The following NECTIN1 variants were observed in gnomAD, a reference collection of about 807,000 sequenced individuals.
The protein encoded by NECTIN1 is nectin-1.
In NECTIN1, 23 loss-of-function variants were observed where a neutral mutation model predicts 48.0. That is an observed-to-expected ratio of 0.48 (90% CI 0.34 to 0.68). The LOEUF (loss-of-function observed/expected upper bound fraction) is 0.68, where lower values mean the gene tolerates loss of function less well. Ranked by LOEUF, NECTIN1 falls within the 30% of genes least tolerant of loss-of-function variation. The pLI is 0.01. For synonymous variants in NECTIN1, 270 were observed against 288.9 expected, an observed-to-expected ratio of 0.93 and a Z score of 0.66; for missense variants, 591 against 709.9, an observed-to-expected ratio of 0.83 and a Z score of 1.90.
chr11:119,638,693 C>T (rs1864273268), intron 7 of NECTIN1: 1 of 1,577,456 alleles, frequency 6.3e-7, no homozygotes, highest in South Asian at 1.1e-5. Flanking sequence ...TCCCTCCCCG[C>T]AGTCCAGGGA....
At chr11:119,708,078 A>C (rs1403142728) in intron 1 of NECTIN1, among the ~76,000 whole-genome samples, 1 of 152,226 alleles carries the variant, frequency 6.6e-6, no homozygotes, top group Non-Finnish European at 1.5e-5. Flanking sequence ...GAAAAATACA[A>C]ACCCAAAGCA....
intron 5 of NECTIN1, among the ~76,000 whole-genome samples, chr11:119,645,303 G>A (rs1591436751): frequency 6.6e-6 from 1 of 152,166 alleles, no homozygotes; most frequent in Non-Finnish European, 1.5e-5. Context: ...AGGGCTGGAG[G>A]CAAGTCTTCC....
chr11:119,718,566 T>C (rs895875818), intron 1 of NECTIN1, among the ~76,000 whole-genome samples: 3 of 152,232 alleles, frequency 2.0e-5, no homozygotes, highest in African/African-American at 7.2e-5. Flanking sequence ...ATCAGCTTGC[T>C]GAGCCCTGGA....
Position 119,664,048 on chromosome 11 carries a change from G to A in NECTIN1, c.*699C>T, listed in dbSNP as rs1019033590. 8.1e-6 allele frequency: 8 copies of A among 985,620 alleles called. No individual in the cohort carries two copies. Among genetic ancestry groups the A allele is most frequent in the Non-Finnish European group, 9.6e-6 (8 of 830,194 alleles). The allele number at this position is 985,620 out of a possible 1,614,324, so 61.1% of individuals were successfully genotyped here. On this transcript the variant is annotated 3_prime_UTR_variant, in exon 6 of 6. Transcript: ENST00000264025. ...GGAGGGGGCACATTGGGGATAAAGAGGGGACGCGTCAGAGCTAGGCCAACT... is the reference window on the plus strand; with the variant it reads ...GGAGGGGGCACATTGGGGATAAAGAAGGGACGCGTCAGAGCTAGGCCAACT...
chr11:119,644,246 G>A (rs986655148), intron 5 of NECTIN1, among the ~76,000 whole-genome samples: 1 of 152,204 alleles, frequency 6.6e-6, no homozygotes, highest in Non-Finnish European at 1.5e-5. Flanking sequence ...ACACAGATGG[G>A]TTCATTCTGG....
rs1865094871 is a variant in NECTIN1 at position 119,683,434 on chromosome 11, AT to A, written c.80-4670del. On this transcript the variant is annotated intron_variant, in intron 1 of 5. Transcript: ENST00000264025. This position sits in a 1 kb window ranked among gnomAD's most constrained non-coding sequence, Gnocchi z 4.0. Reference sequence around the variant, plus strand: ...CTTTCTGGGTGGTGTCCCTCCTAGAATATAACCTCAGTGCCTCCATTGCCCC... The same window carrying A: ...CTTTCTGGGTGGTGTCCCTCCTAGAAATAACCTCAGTGCCTCCATTGCCCC... Among the ~76,000 whole-genome samples, 1 of 152,060 alleles carries A rather than the reference AT, an allele frequency of 6.6e-6. No homozygotes were observed. The highest frequency in any genetic ancestry group is 2.1e-4 in the South Asian group (1 of 4,812).
intron 1 of NECTIN1, among the ~76,000 whole-genome samples, chr11:119,698,835 T>C (rs1865387288): frequency 6.6e-6 from 1 of 152,206 alleles, no homozygotes; most frequent in Non-Finnish European, 1.5e-5. Flanking sequence ...TGGACAGGGC[T>C]GCAAGCTGAG....
In NECTIN1 at chr11:119,685,468, C is replaced by T. The variant is rs371546926; in HGVS notation, c.80-6703G>A. Among the ~76,000 whole-genome samples the T allele has an allele frequency of 5.4e-4, 83 of 152,330 alleles. 1 individual carries two copies. Among genetic ancestry groups the T allele is most frequent in the African/African-American group, 1.8e-3 (75 of 41,588 alleles). ...CCAGGCTGGCCCTGCTCTGCTGCCC[C>T]GGCGTGGCAGCAGTGATGGGGGTGC... On this transcript the variant is annotated intron_variant, in intron 1 of 5. Coordinates refer to ENST00000264025, the MANE Select transcript of NECTIN1 (RefSeq NM_002855.5).
rs909534101 is a variant in NECTIN1, at chr11:119,640,166, G to A, written c.1004-154C>T. On this transcript the variant is annotated intron_variant, in intron 5 of 7. Coordinates refer to the NECTIN1 transcript ENST00000341398. ...CCCATGGTGCTCCAGTTCTAGGAGG[G>A]GCTCCCAGCCGGTGTGGGATGGAGG... The A allele has an allele frequency of 7.3e-6, 6 of 823,368 alleles. No individual in the cohort carries two copies. The Admixed American group carries it at 8.6e-5, about 12-fold the overall frequency. The allele number at this position is 823,368 out of a possible 1,614,324, so 51.0% of individuals were successfully genotyped here.
chr11:119,664,290 G>C lies in NECTIN1; in HGVS notation c.*457C>G. ...TGGGTGTTGGGTTCCCTCTAGCCGGGAGGAGGAGCAGCATCTGGGGGTGTG... is the reference window on the plus strand; with the variant it reads ...TGGGTGTTGGGTTCCCTCTAGCCGGCAGGAGGAGCAGCATCTGGGGGTGTG... On this transcript the variant is annotated 3_prime_UTR_variant, in exon 6 of 6. Transcript: ENST00000264025. 1 of 998,876 alleles carries C rather than the reference G, an allele frequency of 1.0e-6. No individual in the cohort carries two copies. The highest frequency in any genetic ancestry group is 1.1e-4 in the East Asian group (1 of 9,274). The allele number at this position is 998,876 out of a possible 1,614,324, so 61.9% of individuals were successfully genotyped here.
At chr11:119,717,992 T>C (rs1400016825) in intron 1 of NECTIN1, among the ~76,000 whole-genome samples, 1 of 152,214 alleles carries the variant, frequency 6.6e-6, no homozygotes, top group African/African-American at 2.4e-5. Context: ...TAACGGAGCA[T>C]GGATAATCTA....
intron 1 of NECTIN1, among the ~76,000 whole-genome samples, chr11:119,726,843 G>C (rs1419454935): frequency 6.6e-6 from 1 of 152,138 alleles, no homozygotes; most frequent in Non-Finnish European, 1.5e-5. Flanking sequence ...ATATGTAATT[G>C]AAGGGTTCCT....
intron 5 of NECTIN1, among the ~76,000 whole-genome samples, chr11:119,651,538 C>G (rs762353197): frequency 6.6e-6 from 1 of 152,112 alleles, no homozygotes; most frequent in Non-Finnish European, 1.5e-5. Context: ...CTCTGCTCCC[C>G]TCTCGTGGGG....
chr11:119,699,464 C>A (rs1201243693), intron 1 of NECTIN1, among the ~76,000 whole-genome samples: 8 of 150,972 alleles, frequency 5.3e-5, no homozygotes, highest in Non-Finnish European at 8.8e-5. Flanking sequence ...CAATGCCCAG[C>A]CCCGAGTCCT....
chr11:119,678,461 G>C lies in NECTIN1; in HGVS notation c.384C>G (p.Thr128=). 6.2e-7 allele frequency: 1 copy of C among 1,614,226 alleles called. No individual in the cohort carries two copies. The highest frequency in any genetic ancestry group is 2.2e-5 in the East Asian group (1 of 44,882). ...DEGVYICEFA[T]FPTGNRESQL... is the part of the protein sequence containing the mutation. ...GGCTTTCTCGATTGCCCGTAGGGAA[G>C]GTAGCAAACTCGCAGATGTAGACAC... The change falls in exon 2 of 6, where the codon ACC becomes ACG. Residue 128 remains threonine (T), a synonymous_variant. Transcript: ENST00000264025. The surrounding 1 kb of genome is among the most constrained non-coding windows in gnomAD (Gnocchi z 4.4).
Position 119,661,346 on chromosome 11 carries a change from C to G in NECTIN1, c.*3401G>C. On this transcript the variant is annotated 3_prime_UTR_variant, in exon 6 of 6. Coordinates refer to ENST00000264025, the MANE Select transcript of NECTIN1 (RefSeq NM_002855.5). ...GCTCCTCCTGGCCTCACAAGCTGGG[C>G]AGTGTTGGCAGCAGTGGCAGCAGCA... 1.1e-5 allele frequency: 11 copies of G among 986,444 alleles called. No individual in the cohort carries two copies. Among genetic ancestry groups the G allele is most frequent in the Non-Finnish European group, 1.3e-5 (11 of 830,396 alleles). The allele number at this position is 986,444 out of a possible 1,614,324, so 61.1% of individuals were successfully genotyped here.
At chr11:119,724,621 C>T (rs1027567163) in intron 1 of NECTIN1, among the ~76,000 whole-genome samples, 2 of 152,216 alleles carry the variant, frequency 1.3e-5, no homozygotes, top group Non-Finnish European at 2.9e-5. Flanking sequence ...AGTCAGAAAA[C>T]TCTAAGCAGT....
At position 119,728,563 on chromosome 11, in the gene NECTIN1, G is replaced by A. The variant is rs1372877427; in HGVS notation, c.-10C>T. ...GCCCCATCCGAGCCATCGGGGGCCG[G>A]GGGTCCGGCGAGAGGGGCGGCGAGG... On this transcript the variant is annotated 5_prime_UTR_variant, in exon 1 of 6. Transcript: ENST00000264025. The A allele has an allele frequency of 1.9e-6, 3 of 1,567,346 alleles. No homozygotes were observed. Among genetic ancestry groups the A allele is most frequent in the African/African-American group, 1.4e-5 (1 of 72,888 alleles).
At chr11:119,667,715 G>C (rs559023680) in intron 5 of NECTIN1, among the ~76,000 whole-genome samples, 1 of 152,152 alleles carries the variant, frequency 6.6e-6, no homozygotes, top group Non-Finnish European at 1.5e-5. Flanking sequence ...CAGCTGTCTC[G>C]CTGGACGCTT....
Sources: gnomAD v4.1 joint callset for allele counts (sites outside exome capture counted in the v4.1 genomes callset) on GRCh38, gnomAD v4.1.1 for gene constraint, Gnocchi (gnomAD v3.1) non-coding constraint, MANE v1.5 for transcripts, NCBI Gene and HGNC (gene_info 2026-07-23, HGNC 2026-07-21) for gene names.